The following NCKAP1L variants were observed in gnomAD, a reference collection of about 807,000 sequenced individuals.
NCKAP1L encodes NCK associated protein 1 like.
Under a neutral mutation model 139.2 loss-of-function variants are expected in NCKAP1L, and 53 were observed. That is an observed-to-expected ratio of 0.38 (90% CI 0.31 to 0.48). The LOEUF (loss-of-function observed/expected upper bound fraction) is 0.48. Among genes scored for constraint, NCKAP1L ranks in the 20% least tolerant of loss-of-function variants. NCKAP1L has a pLI of 0.98. For missense variants in NCKAP1L, 1,151 were observed against 1,381.9 expected (o/e 0.83, Z 2.65); for synonymous variants, 468 against 499.7 (o/e 0.94, Z 0.85).
chr12:54,517,498 G>T (rs747870018), intron 11 of NCKAP1L, 35 bp from the exon 12 acceptor site: 23 of 1,439,588 alleles, frequency 1.6e-5, no homozygotes, highest in African/African-American at 4.2e-5. Context: ...CATTTTTAAA[G>T]TTGAAAATTC....
Position 54,531,569 on chromosome 12 carries a change from C to T in NCKAP1L, c.2683C>T (p.Leu895=). The change falls in exon 24 of 31, where the codon CTG becomes TTG. Residue 895 remains leucine, a synonymous_variant. Coordinates refer to ENST00000293373, the MANE Select transcript of NCKAP1L (RefSeq NM_005337.5). ...FSKPDLMASL[L]PQLTGAENVL... is the part of the protein sequence containing the mutation. ...CAAGCCGGACTTGATGGCTTCCCTG[C>T]TGCCCCAGCTGACAGGTAAGCATCC... 1 of 1,614,112 alleles carries T rather than the reference C, an allele frequency of 6.2e-7. No individual in the cohort carries two copies. The highest frequency in any genetic ancestry group is 8.5e-7 in the Non-Finnish European group (1 of 1,179,976).
chr12:54,519,353 C>T (rs757400237), intron 16 of NCKAP1L, 21 bp downstream of exon 16: 2 of 1,443,434 alleles, frequency 1.4e-6, no homozygotes, highest in South Asian at 1.7e-5. Flanking sequence ...GTTCAGAGCT[C>T]TCTTTAAAAA....
rs1365634816 is a variant in NCKAP1L, at chr12:54,498,587, G to GT, written c.102+702dup. ...GGACTTTGGGGGAGGGAGCTTTTGT[G>GT]TTTTTTGTAATAAAACAAATCACCA... On this transcript the variant is annotated intron_variant, in intron 1 of 30. Transcript: ENST00000293373. Among the ~76,000 whole-genome samples, 4 of 152,224 alleles carry GT rather than the reference G, an allele frequency of 2.6e-5. No individual in the cohort carries two copies. In the East Asian group the frequency reaches 7.7e-4, roughly 29 times the overall value.
intron 9 of NCKAP1L, among the ~76,000 whole-genome samples, chr12:54,514,464 G>A (rs1484912065): frequency 6.6e-6 from 1 of 152,034 alleles, no homozygotes; most frequent in Non-Finnish European, 1.5e-5. Flanking sequence ...TGGGATTACA[G>A]GCATGTACAA....
chr12:54,512,704 G>T (rs892248655), intron 9 of NCKAP1L: 1 of 153,270 alleles, frequency 6.5e-6, no homozygotes, highest in Non-Finnish European at 1.5e-5. Context: ...GGCCTCTCAG[G>T]ATCTAGAAAA....
At chr12:54,503,354 T>C (rs1460053466) in intron 3 of NCKAP1L, among the ~76,000 whole-genome samples, 1 of 152,088 alleles carries the variant, frequency 6.6e-6, no homozygotes, top group East Asian at 1.9e-4. Context: ...ATTGATAAGG[T>C]ATTATTAAAA....
At chr12:54,526,792 C>A in intron 21 of NCKAP1L, 46 bp downstream of exon 21, 1 of 1,539,694 alleles carries the variant, frequency 6.5e-7, no homozygotes, top group Non-Finnish European at 8.9e-7. Flanking sequence ...TGTGTTGGCA[C>A]TTTTTCCTTT....
rs1474880104 is a variant in NCKAP1L at position 54,507,848 on chromosome 12, C to A, written c.307-5C>A. ...ATTAATTCTTGTCTTCACTTCCACC[C>A]CCAGGATCATGTATATGAACTTCTC... On this transcript the variant is annotated splice_region_variant and splice_polypyrimidine_tract_variant and intron_variant, in intron 3 of 30. Coordinates refer to ENST00000293373, the MANE Select transcript of NCKAP1L (RefSeq NM_005337.5). 2 of 1,613,422 alleles carry A rather than the reference C, an allele frequency of 1.2e-6. No homozygotes were observed. The highest frequency in any genetic ancestry group is 1.7e-6 in the Non-Finnish European group (2 of 1,179,388).
intron 24 of NCKAP1L, 42 bp from the exon 25 acceptor site, chr12:54,531,701 C>T (rs772911153): frequency 1.9e-6 from 3 of 1,604,446 alleles, no homozygotes; most frequent in East Asian, 2.2e-5. Context: ...ATCACCAATC[C>T]CTCTCTAAAT....
At chr12:54,499,815 T>A (rs1956782678) in intron 2 of NCKAP1L, among the ~76,000 whole-genome samples, 1 of 152,234 alleles carries the variant, frequency 6.6e-6, no homozygotes, top group South Asian at 2.1e-4. Context: ...CCTTGCTGTT[T>A]GTCTTAGATT....
chr12:54,502,521 A>G (rs953087892), intron 3 of NCKAP1L, among the ~76,000 whole-genome samples: 1 of 152,040 alleles, frequency 6.6e-6, no homozygotes, highest in Non-Finnish European at 1.5e-5. Context: ...CTATTTTTTA[A>G]TGAACTATTT....
chr12:54,499,373 T>C lies in NCKAP1L; in HGVS notation c.121T>C (p.Ser41Pro), dbSNP rs1292378095. Residue 41 changes from serine to proline, a missense_variant, in exon 2 of 31, where the codon TCT (serine) becomes CCT (proline). Physicochemically the swap from Ser to Pro is moderately conservative, Grantham distance 74 (BLOSUM62 -1). Transcript: ENST00000293373. ...NIKKTCSDPK[S>P]KPPFLLEKSM... ...TCTGCAGACTTGTTCAGACCCCAAA[T>C]CTAAGCCACCTTTCTTACTGGAAAA... The C allele has an allele frequency of 1.2e-6, 2 of 1,607,700 alleles. No individual in the cohort carries two copies. Among genetic ancestry groups the C allele is most frequent in the South Asian group, 2.2e-5 (2 of 90,952 alleles).
At position 54,512,804 on chromosome 12, in the gene NCKAP1L, TTGTGTG is replaced by T. The variant is rs146581573; in HGVS notation, c.941+712_941+717del. On this transcript the variant is annotated intron_variant, in intron 9 of 30. Coordinates refer to ENST00000293373, the MANE Select transcript of NCKAP1L (RefSeq NM_005337.5). ...TGTGTGTGTGTGTATGTGTGAGTAA[TTGTGTG>T]TGTGTGTGTGTGCCTGTGCATTGGG... Among the ~76,000 whole-genome samples the T allele has an allele frequency of 2.8e-5, 4 of 145,386 alleles. No homozygotes were observed. The South Asian group carries it at 8.7e-4, about 31-fold the overall frequency.
chr12:54,534,958 G>A (rs1021191080), intron 26 of NCKAP1L, 146 bp from the exon 27 acceptor site: 12 of 518,848 alleles, frequency 2.3e-5, no homozygotes, highest in Admixed American at 3.8e-5. Context: ...ACAAAATAGC[G>A]AGACTCTCTC....
chr12:54,518,609 G>A (rs1592344272), intron 13 of NCKAP1L, 42 bp from the exon 14 acceptor site: 1 of 1,492,676 alleles, frequency 6.7e-7, no homozygotes, highest in South Asian at 1.1e-5. Context: ...CTGTCCTAGG[G>A]AACCTGTGCC....
chr12:54,517,983 C>A (rs937925999), intron 13 of NCKAP1L, 45 bp downstream of exon 13: 1 of 1,605,912 alleles, frequency 6.2e-7, no homozygotes, highest in Non-Finnish European at 8.5e-7. Context: ...CAGGATGATC[C>A]CTAGTGATTT....
Position 54,536,926 on chromosome 12 carries a change from A to G in NCKAP1L, c.3074-18A>G, listed in dbSNP as rs758045152. ...CATTTCCTCTTTTTTCTCTCCATCT[A>G]TATCAATAATAACCTAGGTTACAAC... On this transcript the variant is annotated intron_variant, in intron 28 of 30. Transcript: ENST00000293373. The G allele has an allele frequency of 3.2e-6, 5 of 1,541,462 alleles. No homozygotes were observed. In the African/African-American group the frequency reaches 4.1e-5, roughly 13 times the overall value.
rs536997656 is a variant in NCKAP1L, at chr12:54,498,625, C to T, written c.103-730C>T. Among the ~76,000 whole-genome samples the T allele has an allele frequency of 1.3e-4, 20 of 152,198 alleles. No individual in the cohort carries two copies. In the East Asian group the frequency reaches 3.9e-3, roughly 29 times the overall value. ...AAACAAATCACCAGGAACACGGTTTCTCTGTCACCATGAATCCTGTAAATG... is the reference window on the plus strand; with the variant it reads ...AAACAAATCACCAGGAACACGGTTTTTCTGTCACCATGAATCCTGTAAATG... On this transcript the variant is annotated intron_variant, in intron 1 of 30. Coordinates refer to ENST00000293373, the MANE Select transcript of NCKAP1L (RefSeq NM_005337.5).
intron 22 of NCKAP1L, among the ~76,000 whole-genome samples, chr12:54,529,616 T>C (rs1167488237): frequency 6.6e-6 from 1 of 152,184 alleles, no homozygotes; most frequent in Admixed American, 6.5e-5. Context: ...GACCCTACGC[T>C]TTACCTGCTG....
Sources: allele counts gnomAD v4.1 joint callset (sites outside exome capture counted in the v4.1 genomes callset), GRCh38; gene constraint gnomAD v4.1.1; transcripts MANE v1.5; gene names NCBI Gene and HGNC (gene_info 2026-07-23, HGNC 2026-07-21).